Variants in MEGF11 observed in about 807,000 individuals in gnomAD.
MEGF11 encodes the protein multiple epidermal growth factor-like domains protein 11.
In MEGF11, 126 loss-of-function variants were observed where a neutral mutation model predicts 146.6. The observed-to-expected ratio is 0.86, with a 90% CI of 0.74 to 1.00. The LOEUF is 1.00. Ranked by LOEUF, MEGF11 falls within the 50% of genes least tolerant of loss-of-function variation. The pLI, the probability that MEGF11 is intolerant of heterozygous loss-of-function variation, is 0.00. For synonymous variants in MEGF11, 532 were observed against 583.4 expected (o/e 0.91, Z 1.27); for missense variants, 1,509 against 1,521.2 (o/e 0.99, Z 0.13).
At chr15:66,165,896 C>T (rs945754728) in intron 1 of MEGF11, among the ~76,000 whole-genome samples, 1 of 152,256 alleles carries the variant, frequency 6.6e-6, no homozygotes, top group Non-Finnish European at 1.5e-5. Flanking sequence ...CAGGACAGAC[C>T]GTGCCCACAG....
At chr15:65,925,194 T>C (rs1301619839) in intron 13 of MEGF11, among the ~76,000 whole-genome samples, 1 of 152,210 alleles carries the variant, frequency 6.6e-6, no homozygotes, top group African/African-American at 2.4e-5. Context: ...TGCTATTGTG[T>C]TTATCCCAGC....
chr15:66,121,301 G>A (rs189864923), intron 3 of MEGF11, among the ~76,000 whole-genome samples: 47 of 152,278 alleles, frequency 3.1e-4, no homozygotes, highest in African/African-American at 1.1e-3. Context: ...GACCAGGGCC[G>A]CAAGCAGCCA....
rs765984228 is a variant in MEGF11 at position 65,982,445 on chromosome 15, G to T, written c.438C>A (p.Cys146Ter). 5.9e-5 allele frequency: 88 copies of T among 1,492,748 alleles called. No individual in the cohort carries two copies. The highest frequency in any genetic ancestry group is 7.8e-5 in the Non-Finnish European group (87 of 1,119,448). The allele number at this position is 1,492,748 out of a possible 1,614,324, so 92.5% of individuals were successfully genotyped here. ...TACACAGGGCGCCGTTCTGGCACTG[G>T]CACCGGTTGCTGCAGTGGGGCCCCC... Reference protein sequence around the residue: ...DHWGPHCSNRCQCQNGALCNP... With the variant: ...DHWGPHCSNR Residue 146 changes from cysteine (C) to a stop codon, truncating the protein, a stop_gained, in exon 6 of 26, where the codon TGC becomes TGA. Coordinates refer to ENST00000395614, the MANE Select transcript of MEGF11 (RefSeq NM_001385028.1). LOFTEE classifies it high-confidence loss of function. This position sits in a 1 kb window ranked among gnomAD's most constrained non-coding sequence, Gnocchi z 5.6.
chr15:66,170,880 G>A (rs1424424292), intron 1 of MEGF11, among the ~76,000 whole-genome samples: 1 of 152,152 alleles, frequency 6.6e-6, no homozygotes, highest in East Asian at 1.9e-4. Flanking sequence ...CCTAATGCCA[G>A]AGGCTGGCTC....
intron 3 of MEGF11, among the ~76,000 whole-genome samples, chr15:66,121,340 G>C (rs1878818349): frequency 6.6e-6 from 1 of 152,212 alleles, no homozygotes; most frequent in African/African-American, 2.4e-5. Context: ...GGGTGAAAGA[G>C]AGCATTTAGT....
Position 66,119,199 on chromosome 15 carries a change from G to A in MEGF11, c.201-13C>T. 1 of 1,530,510 alleles carries A rather than the reference G, an allele frequency of 6.5e-7. No individual in the cohort carries two copies. Among genetic ancestry groups the A allele is most frequent in the Non-Finnish European group, 8.9e-7 (1 of 1,129,164 alleles). 94.8% of individuals were successfully genotyped at this position (1,530,510 alleles called of 1,614,324 possible). A position where few individuals can be genotyped will look rare whatever the true frequency, so the allele number is the denominator to read the frequency against. On this transcript the variant is annotated splice_polypyrimidine_tract_variant and intron_variant, in intron 3 of 25. Coordinates refer to ENST00000395614, the MANE Select transcript of MEGF11 (RefSeq NM_001385028.1). ...CTTATAACTGATCCTAAGGCACAAG[G>A]GAGAAAGCCACTTGAAAGTATTGAA... is the stretch of plus-strand genomic sequence containing the variant.
At chr15:66,188,343 C>CA (rs35256111) in intron 1 of MEGF11, among the ~76,000 whole-genome samples, 33 of 145,564 alleles carry the variant, frequency 2.3e-4, no homozygotes, top group South Asian at 1.5e-3. Context: ...AAAAATTGTT[C>CA]AAAAAAAATA....
At chr15:66,231,276 A>G (rs1013013162) in intron 1 of MEGF11, among the ~76,000 whole-genome samples, 4 of 151,982 alleles carry the variant, frequency 2.6e-5, no homozygotes, top group Non-Finnish European at 4.4e-5. Context: ...AACCCTGGCC[A>G]AGTGAAGTCT....
At chr15:66,119,771 G>T (rs999252563) in intron 3 of MEGF11, among the ~76,000 whole-genome samples, 3 of 152,110 alleles carry the variant, frequency 2.0e-5, no homozygotes, top group African/African-American at 4.8e-5. Context: ...CCCTGGGAAG[G>T]CCCTGAACTG....
intron 1 of MEGF11, among the ~76,000 whole-genome samples, chr15:66,237,774 TG>T (rs2092127376): frequency 6.6e-6 from 1 of 152,190 alleles, no homozygotes; most frequent in South Asian, 2.1e-4. Flanking sequence ...TTCCCATGGA[TG>T]GCCAGGAGAG....
At chr15:65,905,883 GA>G in intron 24 of MEGF11, 1 of 436,702 alleles carries the variant, frequency 2.3e-6, no homozygotes, top group Non-Finnish European at 4.0e-6. Context: ...AACTGAAATC[GA>G]AAGATGAATT....
intron 9 of MEGF11, among the ~76,000 whole-genome samples, chr15:65,961,402 C>T (rs1474483311): frequency 2.0e-5 from 3 of 152,196 alleles, no homozygotes; most frequent in Admixed American, 2.0e-4. Flanking sequence ...CTTTCAGCTG[C>T]TATGAGATTT....
intron 5 of MEGF11, among the ~76,000 whole-genome samples, chr15:66,037,889 A>C (rs1234327669): frequency 6.6e-6 from 1 of 152,062 alleles, no homozygotes; most frequent in Non-Finnish European, 1.5e-5. Context: ...GATCGGGACA[A>C]GCACAGGAGG....
intron 5 of MEGF11, among the ~76,000 whole-genome samples, chr15:66,021,487 A>G (rs1159065475): frequency 6.6e-6 from 1 of 152,232 alleles, no homozygotes; most frequent in Non-Finnish European, 1.5e-5. Flanking sequence ...ACAAACCAAA[A>G]AAGTCAATAA....
chr15:65,952,829 C>G (rs746254064), intron 10 of MEGF11, among the ~76,000 whole-genome samples: 36 of 152,368 alleles, frequency 2.4e-4, no homozygotes, highest in Admixed American at 7.2e-4. Flanking sequence ...TCTTTGCCCC[C>G]ACTGGGCAGC....
chr15:66,228,961 T>C (rs914255590), intron 1 of MEGF11, among the ~76,000 whole-genome samples: 1 of 152,110 alleles, frequency 6.6e-6, no homozygotes, highest in Non-Finnish European at 1.5e-5. Flanking sequence ...TCCAAGTCCC[T>C]GCAGACCTGG....
At chr15:66,048,970 C>G (rs2084340833) in intron 5 of MEGF11, among the ~76,000 whole-genome samples, 1 of 152,176 alleles carries the variant, frequency 6.6e-6, no homozygotes, top group Non-Finnish European at 1.5e-5. Context: ...CAGCCCAGCT[C>G]TCTCTCCTCT....
At chr15:66,020,174 G>A (rs192692422) in intron 5 of MEGF11, among the ~76,000 whole-genome samples, 47 of 152,358 alleles carry the variant, frequency 3.1e-4, no homozygotes, top group Admixed American at 1.6e-3. Context: ...TGGTCGCAGC[G>A]ATTGGTTCTG....
At chr15:66,086,893 T>C (rs2086130866) in intron 5 of MEGF11, among the ~76,000 whole-genome samples, 1 of 152,200 alleles carries the variant, frequency 6.6e-6, no homozygotes, top group Non-Finnish European at 1.5e-5. Context: ...AACTGCAGAA[T>C]GGATAAGAAC....
Sources: allele counts gnomAD v4.1 joint callset (sites outside exome capture counted in the v4.1 genomes callset), GRCh38; gene constraint gnomAD v4.1.1; non-coding constraint Gnocchi (gnomAD v3.1); transcripts MANE v1.5; gene names NCBI Gene and HGNC (gene_info 2026-07-23, HGNC 2026-07-21).